The following CMPK2 variants were observed in gnomAD, a reference collection of about 807,000 sequenced individuals.
The protein encoded by CMPK2 is cytidine/uridine monophosphate kinase 2, also known as UMP-CMP kinase 2, mitochondrial.
Under a neutral mutation model 33.4 loss-of-function variants are expected in CMPK2, and 32 were observed. The ratio of observed to expected loss-of-function variants is 0.96; its 90% CI spans 0.72 to 1.29. The LOEUF (loss-of-function observed/expected upper bound fraction) is 1.29, where lower values mean the gene tolerates loss of function less well. Among genes scored for constraint, CMPK2 ranks in the 50% most tolerant of loss-of-function variants. The probability of loss-of-function intolerance (pLI) is 0.00; values close to 1 mark genes in which losing one functional copy is unlikely to be tolerated. For synonymous variants in CMPK2, 299 were observed against 275.3 expected, an observed-to-expected ratio of 1.09 and a Z score of -0.85; for missense variants, 672 against 616.0, an observed-to-expected ratio of 1.09 and a Z score of -0.96.
chr2:6,863,969 T>C (rs1662967944), intron 1 of CMPK2, among the ~76,000 whole-genome samples: 1 of 152,210 alleles, frequency 6.6e-6, no homozygotes, highest in Non-Finnish European at 1.5e-5. Flanking sequence ...GCAGTCTTCA[T>C]CTGCAGCATG....
Position 6,865,135 on chromosome 2 carries a change from C to T in CMPK2, c.562G>A (p.Gly188Ser). The T allele has an allele frequency of 6.6e-7, 1 of 1,524,562 alleles. No homozygotes were observed. The highest frequency in any genetic ancestry group is 1.2e-5 in the South Asian group (1 of 81,470). 94.4% of individuals were successfully genotyped at this position (1,524,562 alleles called of 1,614,324 possible). ...GGGACGGGCACGACCTGTGCGCAGC[C>T]CACCTGCAGCCGCCTGCCGTCTTGC... ...EVQDGRRLQV[G>S]CAQVVPVPEP... Residue 188 changes from glycine (G) to serine (S), a missense_variant, in exon 1 of 5, where the codon GGC becomes AGC. Gly to Ser is a moderately conservative substitution (Grantham distance 56). Transcript: ENST00000256722.
intron 3 of CMPK2, among the ~76,000 whole-genome samples, chr2:6,854,141 G>A (rs567370863): frequency 3.2e-4 from 48 of 152,214 alleles, no homozygotes; most frequent in African/African-American, 1.1e-3. Context: ...GCCAATTAGG[G>A]TCTCAGTTTT....
chr2:6,863,560 C>G lies in CMPK2; in HGVS notation c.694G>C (p.Glu232Gln). The change falls in exon 2 of 5, where the codon GAA becomes CAA. Residue 232 changes from glutamate to glutamine, a missense_variant. Physicochemically the swap from Glu to Gln is conservative, Grantham distance 29. Coordinates refer to ENST00000256722, the MANE Select transcript of CMPK2 (RefSeq NM_207315.4). ...VLEECTSFIPEARAVLDLVDQ... is the reference protein window; with the variant it reads ...VLEECTSFIPQARAVLDLVDQ... The stretch of plus-strand genomic sequence containing the variant: ...ACCAGGTCAAGCACTGCCCGGGCTT[C>G]AGGAATAAAGGAGGTACACTGTAAA... 1 of 1,614,010 alleles carries G rather than the reference C, an allele frequency of 6.2e-7. No homozygotes were observed. Among genetic ancestry groups the G allele is most frequent in the East Asian group, 2.2e-5 (1 of 44,874 alleles).
At chr2:6,846,105 G>C (rs1662355055), downstream of CMPK2, among the ~76,000 whole-genome samples, 1 of 152,192 alleles carries the variant, frequency 6.6e-6, no homozygotes, top group African/African-American at 2.4e-5. Flanking sequence ...CTTTCCACTA[G>C]GTGGCATTGT....
intron 1 of CMPK2, among the ~76,000 whole-genome samples, chr2:6,863,946 T>A (rs752712668): frequency 2.0e-5 from 3 of 152,210 alleles, no homozygotes; most frequent in Non-Finnish European, 4.4e-5. Context: ...AGCTGCACAG[T>A]GGGCTGGAGA....
intron 2 of CMPK2, among the ~76,000 whole-genome samples, chr2:6,863,094 A>G (rs1662929579): frequency 6.6e-6 from 1 of 152,102 alleles, no homozygotes; most frequent in South Asian, 2.1e-4. Flanking sequence ...ACCTTTGCCC[A>G]GGCTATTTCT....
At chr2:6,848,056 T>A (rs1051799916), downstream of CMPK2, among the ~76,000 whole-genome samples, 1 of 152,138 alleles carries the variant, frequency 6.6e-6, no homozygotes, top group Non-Finnish European at 1.5e-5. Flanking sequence ...TATATACCTA[T>A]CAGTATATAA....
chr2:6,865,408 G>A lies in CMPK2; in HGVS notation c.289C>T (p.Arg97Cys). ...ARVRAARLHQRLLHQLRRGPF... is the reference protein window; with the variant it reads ...ARVRAARLHQCLLHQLRRGPF... The stretch of plus-strand genomic sequence containing the variant: ...CCGCGGCGCAGCTGGTGCAGCAGGC[G>A]CTGGTGCAGCCGCGCCGCCCGGACC... The change falls in exon 1 of 5, where the codon CGC (arginine) becomes TGC (cysteine). Residue 97 changes from arginine to cysteine, a missense_variant. Physicochemically the swap from Arg to Cys is radical, Grantham distance 180. Transcript: ENST00000256722. 3 of 1,336,248 alleles carry A rather than the reference G, an allele frequency of 2.2e-6. No homozygotes were observed. The highest frequency in any genetic ancestry group is 1.5e-5 in the African/African-American group (1 of 64,912). 82.8% of individuals were successfully genotyped at this position (1,336,248 alleles called of 1,614,324 possible).
rs915670272 is a variant in CMPK2 at position 6,865,732 on chromosome 2, G to A, written c.-36C>T. On this transcript the variant is annotated 5_prime_UTR_variant, in exon 1 of 5. Coordinates refer to ENST00000256722, the MANE Select transcript of CMPK2 (RefSeq NM_207315.4). The stretch of plus-strand genomic sequence containing the variant: ...GCGACGCCGCCCTCGGCCCCGCCTC[G>A]GAAACGAAACCTGGCGGGAGCCAGG... 1.6e-6 allele frequency: 2 copies of A among 1,277,612 alleles called. No individual in the cohort carries two copies. Among genetic ancestry groups the A allele is most frequent in the Admixed American group, 4.3e-5 (1 of 23,194 alleles). The allele number at this position is 1,277,612 out of a possible 1,614,324, so 79.1% of individuals were successfully genotyped here.
chr2:6,851,486 T>A lies in CMPK2; in HGVS notation c.1190A>T (p.Glu397Val). The part of the protein sequence containing the change: ...QGRGMEKTRE[E>V]AELEANSVFR... Reference sequence around the variant, plus strand: ...CACACTGTTGGCCTCAAGTTCTGCTTCTTCCCTGGTCTTCTCCATGCCCCG... The same window carrying A: ...CACACTGTTGGCCTCAAGTTCTGCTACTTCCCTGGTCTTCTCCATGCCCCG... Residue 397 changes from glutamate (E) to valine (V), a missense_variant, in exon 4 of 5, where the codon GAA (glutamate) becomes GTA (valine). Transcript: ENST00000256722. 6.2e-7 allele frequency: 1 copy of A among 1,614,230 alleles called. No homozygotes were observed. Among genetic ancestry groups the A allele is most frequent in the Non-Finnish European group, 8.5e-7 (1 of 1,180,032 alleles).
At position 6,863,573 on chromosome 2, in the gene CMPK2, G is replaced by C. The variant is rs1558328039; in HGVS notation, c.681C>G (p.Thr227=). Residue 227 remains threonine (T), a synonymous_variant, in exon 2 of 5, where the codon ACC becomes ACG. Transcript: ENST00000256722. The stretch of plus-strand genomic sequence containing the variant: ...CTGCCCGGGCTTCAGGAATAAAGGA[G>C]GTACACTGTAAAACAACGTCTATCC... ...EAARAVLEEC[T]SFIPEARAVL... 1 of 1,612,896 alleles carries C rather than the reference G, an allele frequency of 6.2e-7. No homozygotes were observed.
rs183542868 is a variant in CMPK2 at position 6,851,357 on chromosome 2, T to C, written c.1226+93A>G. On this transcript the variant is annotated intron_variant, in intron 4 of 4. Transcript: ENST00000256722. ...TCTTGTGTTTGAAAACTGGAAACAA[T>C]ATCACTTCCTCACAATCCTAAAGCC... 2.7e-4 allele frequency: 420 copies of C among 1,564,474 alleles called. 3 individuals are homozygous for C. In the African/African-American group the frequency reaches 5.1e-3, roughly 19 times the overall value.
Position 6,861,273 on chromosome 2 carries a change from GAT to G in CMPK2, c.901_902del (p.Ile301HisfsTer2). Reference sequence around the variant, plus strand: ...CCAAAGAGTAAAAAGCTCTTCTAATGATAGTTGGTTCATCATCAAAGATCTTC... The same window carrying G: ...CCAAAGAGTAAAAAGCTCTTCTAATGAGTTGGTTCATCATCAAAGATCTTC... Reference protein sequence around the residue: ...WRKIFDDEPTIIRRAFYSLGN... With the variant: ...WRKIFDDEPTXIRRAFYSLGN... On this transcript the variant is annotated frameshift_variant, in exon 3 of 5. Coordinates refer to ENST00000256722, the MANE Select transcript of CMPK2 (RefSeq NM_207315.4). LOFTEE classifies it high-confidence loss of function. 1 of 1,614,002 alleles carries G rather than the reference GAT, an allele frequency of 6.2e-7. No homozygotes were observed. The highest frequency in any genetic ancestry group is 1.1e-5 in the South Asian group (1 of 91,084).
At chr2:6,851,027 G>T (rs944882900) in intron 4 of CMPK2, 4 of 1,025,512 alleles carry the variant, frequency 3.9e-6, no homozygotes, top group Non-Finnish European at 4.7e-6. Flanking sequence ...TGTAAAATAC[G>T]GCTAATGTTT....
chr2:6,865,846 G>T lies in CMPK2; in HGVS notation c.-150C>A. On this transcript the variant is annotated 5_prime_UTR_variant, in exon 1 of 5. In the 5' UTR this introduces an upstream ATG that the reference lacks. Coordinates refer to ENST00000256722, the MANE Select transcript of CMPK2 (RefSeq NM_207315.4). ...CGGGGAAACGAAAGCCGGAGGCCCA[G>T]GCGGGGCAGGAGCCCTGGGGCTGGG... 7.7e-7 allele frequency: 1 copy of T among 1,291,572 alleles called. No individual in the cohort carries two copies. Among genetic ancestry groups the T allele is most frequent in the South Asian group, 2.0e-5 (1 of 48,870 alleles). 80.0% of individuals were successfully genotyped at this position (1,291,572 alleles called of 1,614,324 possible).
rs1207211858 is a variant in CMPK2, at chr2:6,851,493, T to C, written c.1183A>G (p.Arg395Gly). Residue 395 changes from arginine to glycine, a missense_variant, in exon 4 of 5, where the codon AGG becomes GGG. Transcript: ENST00000256722. ...RLQGRGMEKT[R>G]EEAELEANSV... ...TTGGCCTCAAGTTCTGCTTCTTCCC[T>C]GGTCTTCTCCATGCCCCGGCCCTGC... is the stretch of plus-strand genomic sequence containing the variant. 1.9e-6 allele frequency: 3 copies of C among 1,614,244 alleles called. No homozygotes were observed. In the South Asian group the frequency reaches 3.3e-5, roughly 18 times the overall value.
chr2:6,858,023 G>T lies in CMPK2; in HGVS notation c.992+3161C>A, dbSNP rs553469954. On this transcript the variant is annotated intron_variant, in intron 3 of 4. Coordinates refer to ENST00000256722, the MANE Select transcript of CMPK2 (RefSeq NM_207315.4). Reference sequence around the variant, plus strand: ...AATCCATTCTATGAATGGCCTACAAGCCCTACAGACCTGCCCCAACCTTCC... The same window carrying T: ...AATCCATTCTATGAATGGCCTACAATCCCTACAGACCTGCCCCAACCTTCC... 1.2e-3 allele frequency among the ~76,000 whole-genome samples: 182 copies of T among 152,270 alleles called. 2 individuals are homozygous for T. Among genetic ancestry groups the T allele is most frequent in the South Asian group, 9.3e-3 (45 of 4,820 alleles).
intron 3 of CMPK2, among the ~76,000 whole-genome samples, chr2:6,852,627 A>G (rs1301201245): frequency 1.3e-5 from 2 of 152,252 alleles, no homozygotes; most frequent in East Asian, 3.9e-4. Context: ...TAAGTGTAAT[A>G]TCTATTGTCT....
chr2:6,860,161 A>G (rs541492887), intron 3 of CMPK2, among the ~76,000 whole-genome samples: 2 of 152,368 alleles, frequency 1.3e-5, no homozygotes, highest in East Asian at 1.9e-4. Context: ...CAATGCCTGT[A>G]GCCTCACTGT....
Sources: gnomAD v4.1 joint callset for allele counts (sites outside exome capture counted in the v4.1 genomes callset) on GRCh38, gnomAD v4.1.1 for gene constraint, MANE v1.5 for transcripts, NCBI Gene and HGNC (gene_info 2026-07-23, HGNC 2026-07-21) for gene names.